The following TMEM161B variants were observed in gnomAD, a reference collection of about 807,000 sequenced individuals.
TMEM161B encodes transmembrane protein 161B.
In TMEM161B, 34 loss-of-function variants were observed where a neutral mutation model predicts 61.8. That is an observed-to-expected ratio of 0.55 (90% CI 0.42 to 0.73). The LOEUF (loss-of-function observed/expected upper bound fraction) is 0.73. TMEM161B is among the 30% of genes least tolerant of loss of function. TMEM161B has a pLI of 0.00. For synonymous variants in TMEM161B, 167 were observed against 192.8 expected, an observed-to-expected ratio of 0.87 and a Z score of 1.11; for missense variants, 456 against 558.5, an observed-to-expected ratio of 0.82 and a Z score of 1.85.
At chr5:88,255,645 T>G (rs1015400820) in intron 1 of TMEM161B, among the ~76,000 whole-genome samples, 3 of 152,218 alleles carry the variant, frequency 2.0e-5, no homozygotes, top group Non-Finnish European at 4.4e-5. Flanking sequence ...TTTCCAAATT[T>G]AATTGTTTAC....
intron 10 of TMEM161B, chr5:88,198,500 G>C (rs1750095052): frequency 1.3e-5 from 2 of 152,048 alleles, no homozygotes; most frequent in African/African-American, 2.4e-5. Context: ...AAAAGAATGA[G>C]GTTATTGGTC....
At chr5:88,260,228 A>T (rs1755516820) in intron 1 of TMEM161B, among the ~76,000 whole-genome samples, 1 of 152,166 alleles carries the variant, frequency 6.6e-6, no homozygotes, top group Non-Finnish European at 1.5e-5. Flanking sequence ...ATCTAATCCA[A>T]ACCTTTCTTT....
intron 11 of TMEM161B, 104 bp from the exon 12 acceptor site, chr5:88,196,592 G>A (rs941626076): frequency 1.8e-6 from 2 of 1,118,564 alleles, no homozygotes; most frequent in Admixed American, 2.8e-5. Context: ...ATGTTTAGTG[G>A]CACAGTACAT....
rs1756782755 is a variant in TMEM161B at position 88,268,811 on chromosome 5, C to T, written c.-88G>A. On this transcript the variant is annotated 5_prime_UTR_variant, in exon 1 of 12. Coordinates refer to ENST00000296595, the MANE Select transcript of TMEM161B (RefSeq NM_153354.5). ...ACCTCCCGGTCCTTGAGCCGAGAGA[C>T]TCTCAAACAGCGAAAGAGAGGGTCT... The T allele has an allele frequency of 1.2e-6, 2 of 1,601,492 alleles. No homozygotes were observed. The highest frequency in any genetic ancestry group is 1.3e-5 in the African/African-American group (1 of 74,548).
At chr5:88,215,558 T>G (rs1747680895) in intron 5 of TMEM161B, among the ~76,000 whole-genome samples, 1 of 152,168 alleles carries the variant, frequency 6.6e-6, no homozygotes, top group South Asian at 2.1e-4. Context: ...CCCACCCTCT[T>G]TTTGGAGAAT....
rs1334519158 is a variant in TMEM161B, at chr5:88,195,585, G to A, written c.*626C>T. On this transcript the variant is annotated 3_prime_UTR_variant, in exon 12 of 12. Transcript: ENST00000296595. ...AGAACTCTCAAGTTGGGTGGAATAT[G>A]TTTTAAAACAATACTCTTGCTATTC... is the stretch of plus-strand genomic sequence containing the variant. 5.1e-6 allele frequency: 5 copies of A among 985,152 alleles called. No homozygotes were observed. The highest frequency in any genetic ancestry group is 6.0e-6 in the Non-Finnish European group (5 of 829,610). 61.0% of individuals were successfully genotyped at this position (985,152 alleles called of 1,614,324 possible).
At chr5:88,252,001 C>T (rs1197434742) in intron 1 of TMEM161B, among the ~76,000 whole-genome samples, 1 of 152,026 alleles carries the variant, frequency 6.6e-6, no homozygotes, top group Non-Finnish European at 1.5e-5. Flanking sequence ...CTTAACAGAG[C>T]TTAAAACCCA....
Position 88,209,999 on chromosome 5 carries a change from G to A in TMEM161B, c.447-2819C>T, listed in dbSNP as rs889690021. 7.2e-5 allele frequency among the ~76,000 whole-genome samples: 11 copies of A among 152,114 alleles called. 1 individual carries two copies. The South Asian group carries it at 1.5e-3, about 20-fold the overall frequency. On this transcript the variant is annotated intron_variant, in intron 5 of 11. Coordinates refer to ENST00000296595, the MANE Select transcript of TMEM161B (RefSeq NM_153354.5). Reference sequence around the variant, plus strand: ...TATCACTTACTAATATAATTCACTCGCCATGTAATCATATACTATCTTAAA... The same window carrying A: ...TATCACTTACTAATATAATTCACTCACCATGTAATCATATACTATCTTAAA...
chr5:88,239,024 A>AAATTGACTTT (rs1752310489), intron 2 of TMEM161B, among the ~76,000 whole-genome samples: 1 of 152,008 alleles, frequency 6.6e-6, no homozygotes, highest in Admixed American at 6.6e-5. Flanking sequence ...GCAAGTCAAG[A>AAATTGACTTT]TCACAAAGAA....
downstream of TMEM161B, chr5:88,195,013 A>G (rs551698502): frequency 8.2e-6 from 3 of 367,456 alleles, no homozygotes; most frequent in East Asian, 3.3e-4. Context: ...TTCTAATTCT[A>G]GAAACTACAA....
chr5:88,200,400 A>G (rs1744169992), intron 9 of TMEM161B: 1 of 152,108 alleles, frequency 6.6e-6, no homozygotes, highest in Admixed American at 6.6e-5. Flanking sequence ...GCCTACCCAC[A>G]GCCTTGACCC....
At chr5:88,199,419 A>G (rs951710684) in intron 9 of TMEM161B, 13 of 255,352 alleles carry the variant, frequency 5.1e-5, no homozygotes, top group Non-Finnish European at 8.8e-5. Flanking sequence ...TTCTCTATAT[A>G]CCCTCCTCCA....
chr5:88,260,019 A>G (rs903584223), intron 1 of TMEM161B, among the ~76,000 whole-genome samples: 1 of 152,206 alleles, frequency 6.6e-6, no homozygotes, highest in Non-Finnish European at 1.5e-5. Flanking sequence ...CTGAGCCTCC[A>G]TTTCTACATC....
At chr5:88,241,083 C>CA (rs1292595790) in intron 1 of TMEM161B, among the ~76,000 whole-genome samples, 167 bp from the exon 2 acceptor site, 12 of 151,302 alleles carry the variant, frequency 7.9e-5, no homozygotes, top group Non-Finnish European at 1.3e-4. Flanking sequence ...AACTGCAGAT[C>CA]AAAAATATGC....
chr5:88,213,404 C>T (rs749203366), intron 5 of TMEM161B, among the ~76,000 whole-genome samples: 12 of 151,902 alleles, frequency 7.9e-5, no homozygotes, highest in Non-Finnish European at 1.2e-4. Flanking sequence ...AGAAAAAGAA[C>T]CTAAAATTCC....
intron 5 of TMEM161B, among the ~76,000 whole-genome samples, chr5:88,212,419 C>T (rs908804069): frequency 5.9e-5 from 9 of 152,128 alleles, no homozygotes; most frequent in Non-Finnish European, 1.0e-4. Context: ...ATATTTTTAC[C>T]TTCAAGCTGA....
intron 1 of TMEM161B, 145 bp downstream of exon 1, chr5:88,268,576 G>A: frequency 3.7e-6 from 4 of 1,085,648 alleles, no homozygotes; most frequent in Non-Finnish European, 5.5e-6. Flanking sequence ...GACACCCTGA[G>A]ATAGGTGGTG....
At chr5:88,194,395 C>T (rs961440787), downstream of TMEM161B, among the ~76,000 whole-genome samples, 1 of 152,060 alleles carries the variant, frequency 6.6e-6, no homozygotes, top group Non-Finnish European at 1.5e-5. Flanking sequence ...CAATCAACCA[C>T]TGATGGCCAC....
chr5:88,247,100 G>A (rs1361858734), intron 1 of TMEM161B, among the ~76,000 whole-genome samples: 1 of 151,752 alleles, frequency 6.6e-6, no homozygotes, highest in African/African-American at 2.4e-5. Context: ...AGGCCATGAA[G>A]AGCAAGAAAA....
Sources: gnomAD v4.1 joint callset for allele counts (sites outside exome capture counted in the v4.1 genomes callset) on GRCh38, gnomAD v4.1.1 for gene constraint, MANE v1.5 for transcripts, NCBI Gene and HGNC (gene_info 2026-07-23, HGNC 2026-07-21) for gene names.